The following MARK2 variants were observed in gnomAD, a reference collection of about 807,000 sequenced individuals.
MARK2 encodes the protein serine/threonine-protein kinase MARK2.
A neutral mutation model predicts 89.8 loss-of-function variants in MARK2; 16 were observed. That is an observed-to-expected ratio of 0.18 (90% confidence interval 0.12 to 0.27). The LOEUF (loss-of-function observed/expected upper bound fraction) is 0.27. MARK2 is among the 10% of genes least tolerant of loss of function. The probability of loss-of-function intolerance (pLI) is 1.00; values close to 1 mark genes in which losing one functional copy is unlikely to be tolerated. For synonymous variants in MARK2, 382 were observed against 399.5 expected, an observed-to-expected ratio of 0.96 and a Z score of 0.52; for missense variants, 621 against 1,049.9, an observed-to-expected ratio of 0.59 and a Z score of 5.65.
At chr11:63,880,487 T>C (rs905530106) in intron 1 of MARK2, among the ~76,000 whole-genome samples, 3 of 152,208 alleles carry the variant, frequency 2.0e-5, no homozygotes, top group Non-Finnish European at 4.4e-5. Context: ...TAGATTCTTA[T>C]ACAAGTCACT....
intron 1 of MARK2, chr11:63,850,162 T>TTTGTTTGTTTG (rs1554973168): frequency 2.6e-5 from 4 of 151,602 alleles, no homozygotes; most frequent in African/African-American, 9.7e-5. Context: ...TTGTTTGTTT[T>TTTGTTTGTTTG]TTTGAGATGG....
At chr11:63,891,380 A>G (rs1447599420) in intron 1 of MARK2, among the ~76,000 whole-genome samples, 1 of 152,208 alleles carries the variant, frequency 6.6e-6, no homozygotes, top group African/African-American at 2.4e-5. Context: ...TGAATGGTAC[A>G]ATCTTGCTTG....
intron 1 of MARK2, among the ~76,000 whole-genome samples, chr11:63,860,530 T>A (rs1485078787): frequency 2.1e-5 from 3 of 144,292 alleles, no homozygotes; most frequent in African/African-American, 7.7e-5. Flanking sequence ...GTAGCCTGGG[T>A]GACAGAGACT....
rs567106378 is a variant in MARK2 at position 63,902,465 on chromosome 11, C to T, written c.1234+135C>T. On this transcript the variant is annotated intron_variant, in intron 12 of 18. Coordinates refer to ENST00000402010, the MANE Select transcript of MARK2 (RefSeq NM_001039469.3). This position sits in a 1 kb window ranked among gnomAD's most constrained non-coding sequence, Gnocchi z 4.2. ...TATTAGTAGTGTGGCTATGGGCAAG[C>T]CACTTCCCTTCCCTCGCCTCTGTGG... 2.2e-6 allele frequency: 3 copies of T among 1,393,002 alleles called. No homozygotes were observed. In the East Asian group the frequency reaches 7.1e-5, roughly 33 times the overall value. 86.3% of individuals were successfully genotyped at this position (1,393,002 alleles called of 1,614,324 possible).
chr11:63,903,024 GCTTT>G lies in MARK2; in HGVS notation c.1417-34_1417-31del. ...GAGAACCTGGCTGTAGACCACTTTG[GCTTT>G]CTGATAGAACGCTTGCCCTTTATTC... On this transcript the variant is annotated intron_variant, in intron 13 of 18. Transcript: ENST00000402010. The surrounding 1 kb of genome is among the most constrained non-coding windows in gnomAD (Gnocchi z 5.1). 1 of 1,581,846 alleles carries G rather than the reference GCTTT, an allele frequency of 6.3e-7. No individual in the cohort carries two copies. The highest frequency in any genetic ancestry group is 8.7e-7 in the Non-Finnish European group (1 of 1,151,212).
chr11:63,899,821 G>A (rs1940721607), intron 7 of MARK2, 53 bp from the exon 8 acceptor site: 2 of 1,199,686 alleles, frequency 1.7e-6, no homozygotes, highest in East Asian at 2.3e-5. Context: ...TTCCTGCCCA[G>A]GGCCTTAGTC....
intron 1 of MARK2, among the ~76,000 whole-genome samples, chr11:63,882,120 C>T (rs1939125013): frequency 6.6e-6 from 1 of 152,086 alleles, no homozygotes; most frequent in Non-Finnish European, 1.5e-5. Flanking sequence ...GGATAGATGA[C>T]CACTTTCCTT....
At chr11:63,890,096 C>A in intron 1 of MARK2, 1 of 446,868 alleles carries the variant, frequency 2.2e-6, no homozygotes, top group Admixed American at 2.7e-5. Flanking sequence ...ATACTCTTAC[C>A]TCTTTATCCT....
rs962568059 is a variant in MARK2, at chr11:63,902,539, C to T, written c.1235-62C>T. ...GCCAGCCCTGTAGGAAATGAGCATG[C>T]GTGGGGCTGGCACTCAGTGGACCCC... On this transcript the variant is annotated intron_variant, in intron 12 of 18. Coordinates refer to ENST00000402010, the MANE Select transcript of MARK2 (RefSeq NM_001039469.3). The surrounding 1 kb of genome is among the most constrained non-coding windows in gnomAD (Gnocchi z 4.2). 2.1e-5 allele frequency: 32 copies of T among 1,494,360 alleles called. No individual in the cohort carries two copies. Among genetic ancestry groups the T allele is most frequent in the African/African-American group, 1.7e-4 (12 of 72,710 alleles). The allele number at this position is 1,494,360 out of a possible 1,614,324, so 92.6% of individuals were successfully genotyped here. A position where few individuals can be genotyped will look rare whatever the true frequency, so the allele number is the denominator to read the frequency against.
In MARK2 at chr11:63,904,523, G is replaced by T. The variant is rs79724131; in HGVS notation, c.1677-263G>T. Among the ~76,000 whole-genome samples the T allele has an allele frequency of 2.0e-5, 3 of 152,044 alleles. No individual in the cohort carries two copies. Among genetic ancestry groups the T allele is most frequent in the African/African-American group, 7.2e-5 (3 of 41,402 alleles). ...AGTCTGCCCGGCTCCCAGGGAGCCC[G>T]CTGTCTCCAGCCTAAACCACACTCC... On this transcript the variant is annotated intron_variant, in intron 15 of 18. Transcript: ENST00000402010. This position sits in a 1 kb window ranked among gnomAD's most constrained non-coding sequence, Gnocchi z 6.3.
chr11:63,854,314 C>T (rs892993640), intron 1 of MARK2, among the ~76,000 whole-genome samples: 1 of 151,666 alleles, frequency 6.6e-6, no homozygotes, highest in Non-Finnish European at 1.5e-5. Flanking sequence ...ATTTTCTCAC[C>T]TCAGCCTCCC....
Position 63,900,182 on chromosome 11 carries a change from C to A in MARK2, c.768+72C>A, listed in dbSNP as rs1289413436. ...CTCTGGTCTTAGCCCTGACCTCCTGCCTTTGCCACCTGTCTACATTTGTCC... is the reference window on the plus strand; with the variant it reads ...CTCTGGTCTTAGCCCTGACCTCCTGACTTTGCCACCTGTCTACATTTGTCC... On this transcript the variant is annotated intron_variant, in intron 8 of 18. Coordinates refer to ENST00000402010, the MANE Select transcript of MARK2 (RefSeq NM_001039469.3). This position sits in a 1 kb window ranked among gnomAD's most constrained non-coding sequence, Gnocchi z 4.7. 4.4e-6 allele frequency: 5 copies of A among 1,129,864 alleles called. No homozygotes were observed. Among genetic ancestry groups the A allele is most frequent in the Non-Finnish European group, 1.3e-6 (1 of 751,942 alleles). 70.0% of individuals were successfully genotyped at this position (1,129,864 alleles called of 1,614,324 possible).
At chr11:63,858,361 T>G (rs1199026211) in intron 1 of MARK2, among the ~76,000 whole-genome samples, 1 of 149,558 alleles carries the variant, frequency 6.7e-6, no homozygotes, top group African/African-American at 2.5e-5. Flanking sequence ...ATTTTCTCAG[T>G]TGTAATTTTT....
At chr11:63,888,982 T>G in intron 1 of MARK2, 2 of 1,349,446 alleles carry the variant, frequency 1.5e-6, no homozygotes, top group Non-Finnish European at 2.0e-6. Context: ...GTCCCCCTTT[T>G]TACTCTAGGA....
Position 63,855,770 on chromosome 11 carries a change from A to G in MARK2, c.54+16210A>G, listed in dbSNP as rs535398030. On this transcript the variant is annotated intron_variant, in intron 1 of 18. Transcript: ENST00000402010. ...CAACCAAAACAACTTATGAAAACACATTGAATGTGGAAGCAGAGAGAAGTC... is the reference window on the plus strand; with the variant it reads ...CAACCAAAACAACTTATGAAAACACGTTGAATGTGGAAGCAGAGAGAAGTC... 8.5e-5 allele frequency among the ~76,000 whole-genome samples: 13 copies of G among 152,308 alleles called. No individual in the cohort carries two copies. The South Asian group carries it at 2.3e-3, about 27-fold the overall frequency.
chr11:63,874,331 A>G (rs992047893), intron 1 of MARK2, among the ~76,000 whole-genome samples: 1 of 152,202 alleles, frequency 6.6e-6, no homozygotes, highest in Middle Eastern at 3.2e-3. Context: ...GGCATCTGAG[A>G]ATTGAATGCT....
At position 63,909,348 on chromosome 11, in the gene MARK2, C is replaced by A; in HGVS notation, c.*111C>A. Reference sequence around the variant, plus strand: ...GCGATGGATTGGTGTGTCTCCCCTGCTGGCACTTCTCCCCTCCCTGGCCCT... The same window carrying A: ...GCGATGGATTGGTGTGTCTCCCCTGATGGCACTTCTCCCCTCCCTGGCCCT... On this transcript the variant is annotated 3_prime_UTR_variant, in exon 19 of 19. Transcript: ENST00000402010. 1 of 1,160,126 alleles carries A rather than the reference C, an allele frequency of 8.6e-7. No homozygotes were observed. The highest frequency in any genetic ancestry group is 1.2e-6 in the Non-Finnish European group (1 of 853,484). The allele number at this position is 1,160,126 out of a possible 1,614,324, so 71.9% of individuals were successfully genotyped here. A position where few individuals can be genotyped will look rare whatever the true frequency, so the allele number is the denominator to read the frequency against.
At chr11:63,887,908 G>A (rs780879270) in intron 1 of MARK2, among the ~76,000 whole-genome samples, 9 of 152,182 alleles carry the variant, frequency 5.9e-5, no homozygotes, top group Non-Finnish European at 1.2e-4. Context: ...GGAGGTGAGT[G>A]AGAACCTAGG....
chr11:63,850,589 T>C (rs535098820), intron 1 of MARK2, among the ~76,000 whole-genome samples: 1 of 152,008 alleles, frequency 6.6e-6, no homozygotes, highest in Admixed American at 6.6e-5. Context: ...ATAGTTTTCT[T>C]GATTAAAGAA....
Sources: gnomAD v4.1 joint callset for allele counts (sites outside exome capture counted in the v4.1 genomes callset) on GRCh38, gnomAD v4.1.1 for gene constraint, Gnocchi (gnomAD v3.1) non-coding constraint, MANE v1.5 for transcripts, NCBI Gene and HGNC (gene_info 2026-07-23, HGNC 2026-07-21) for gene names.